Variants in MMP16 observed in about 807,000 individuals in gnomAD.
MMP16 encodes matrix metallopeptidase 16, also known as matrix metalloproteinase-16.
In MMP16, 12 loss-of-function variants were observed where a neutral mutation model predicts 67.8. The observed-to-expected ratio is 0.18, with a 90% confidence interval of 0.11 to 0.29. The LOEUF (loss-of-function observed/expected upper bound fraction) is 0.29, where lower values mean the gene tolerates loss of function less well. MMP16 is among the 10% of genes least tolerant of loss of function. MMP16 has a pLI of 1.00. For missense variants in MMP16, 475 were observed against 765.7 expected (o/e 0.62, Z 4.48); for synonymous variants, 249 against 255.9 (o/e 0.97, Z 0.26).
At chr8:88,156,572 T>C (rs1315054376) in intron 4 of MMP16, among the ~76,000 whole-genome samples, 2 of 152,120 alleles carry the variant, frequency 1.3e-5, no homozygotes, top group African/African-American at 4.8e-5. Flanking sequence ...AAAATTGTAG[T>C]ATGTTAGGTT....
intron 2 of MMP16, among the ~76,000 whole-genome samples, chr8:88,195,367 T>C (rs1193656003): frequency 6.6e-6 from 1 of 152,174 alleles, no homozygotes; most frequent in East Asian, 1.9e-4. Flanking sequence ...CTTCAAACAA[T>C]GTGAACTAAT....
chr8:88,094,049 CAG>C (rs1808984289), intron 6 of MMP16, among the ~76,000 whole-genome samples: 2 of 151,736 alleles, frequency 1.3e-5, no homozygotes. Context: ...TAGACCAAGG[CAG>C]AGTGTATTAC....
chr8:88,171,666 G>T lies in MMP16; in HGVS notation c.405-3693C>A, dbSNP rs558327622. Reference sequence around the variant, plus strand: ...ATAGATATTATTTCATTTTTAATAGGTTTTGCTATGTAAAGTTAAAAGGAC... The same window carrying T: ...ATAGATATTATTTCATTTTTAATAGTTTTTGCTATGTAAAGTTAAAAGGAC... On this transcript the variant is annotated intron_variant, in intron 3 of 9. Coordinates refer to ENST00000286614, the MANE Select transcript of MMP16 (RefSeq NM_005941.5). Among the ~76,000 whole-genome samples, 18 of 152,170 alleles carry T rather than the reference G, an allele frequency of 1.2e-4. No homozygotes were observed. In the South Asian group the frequency reaches 3.5e-3, roughly 30 times the overall value.
At chr8:88,073,290 A>C (rs1207490398) in intron 7 of MMP16, among the ~76,000 whole-genome samples, 2 of 152,208 alleles carry the variant, frequency 1.3e-5, no homozygotes, top group Non-Finnish European at 2.9e-5. Context: ...TATTATAGAC[A>C]GCAGGAGGGC....
intron 7 of MMP16, chr8:88,069,667 T>C: frequency 2.9e-6 from 1 of 350,276 alleles, no homozygotes; most frequent in Non-Finnish European, 5.4e-6. Flanking sequence ...ACTAATTTCA[T>C]GTAAGGTGTC....
At chr8:88,074,021 C>A (rs1236957134) in intron 7 of MMP16, among the ~76,000 whole-genome samples, 2 of 152,132 alleles carry the variant, frequency 1.3e-5, no homozygotes, top group African/African-American at 4.8e-5. Flanking sequence ...TAGGCAGTTG[C>A]CTAAGTTCAC....
intron 6 of MMP16, among the ~76,000 whole-genome samples, chr8:88,105,979 T>C (rs1273025613): frequency 1.3e-5 from 2 of 150,406 alleles, no homozygotes; most frequent in Non-Finnish European, 1.5e-5. Flanking sequence ...TATTTATAAA[T>C]CTATTTGTAT....
intron 1 of MMP16, among the ~76,000 whole-genome samples, chr8:88,212,559 T>A (rs751647346): frequency 2.6e-5 from 4 of 152,154 alleles, no homozygotes; most frequent in Non-Finnish European, 5.9e-5. Flanking sequence ...CAAAAATATC[T>A]ATGATAGCTA....
intron 1 of MMP16, among the ~76,000 whole-genome samples, chr8:88,224,325 T>C (rs1809733402): frequency 6.6e-6 from 1 of 152,022 alleles, no homozygotes; most frequent in South Asian, 2.1e-4. Flanking sequence ...ACATAACTGA[T>C]TAAGATATAC....
chr8:88,171,052 TATA>T (rs2129711568), intron 3 of MMP16, among the ~76,000 whole-genome samples: 1 of 152,266 alleles, frequency 6.6e-6, no homozygotes, highest in Non-Finnish European at 1.5e-5. Flanking sequence ...AGAATAATCT[TATA>T]ATAGAGAAAT....
intron 4 of MMP16, among the ~76,000 whole-genome samples, chr8:88,147,241 G>A (rs1808308599): frequency 6.6e-6 from 1 of 151,490 alleles, no homozygotes; most frequent in East Asian, 1.9e-4. Context: ...CTCTACTATC[G>A]GTTATCCTTG....
chr8:88,196,549 T>C (rs1351552096), intron 2 of MMP16, among the ~76,000 whole-genome samples: 1 of 152,238 alleles, frequency 6.6e-6, no homozygotes, highest in East Asian at 1.9e-4. Context: ...GAACCAATCA[T>C]TAAAAAGCAA....
intron 1 of MMP16, among the ~76,000 whole-genome samples, chr8:88,266,100 C>T (rs1810472922): frequency 6.6e-6 from 1 of 152,204 alleles, no homozygotes; most frequent in Admixed American, 6.5e-5. Context: ...ATCATATGGC[C>T]TTTAGCATCC....
rs151111569 is a variant in MMP16, at chr8:88,098,775, T to C, written c.1083+17732A>G. ...CAAAGAAAATACAAGTATAATATTA[T>C]GAAAATTAATTTTGTAAGTATGTAA... On this transcript the variant is annotated intron_variant, in intron 6 of 9. Transcript: ENST00000286614. Among the ~76,000 whole-genome samples, 121 of 152,014 alleles carry C rather than the reference T, an allele frequency of 8.0e-4. 4 individuals carry two copies. In the East Asian group the frequency reaches 0.017, roughly 22 times the overall value.
At chr8:88,169,337 G>A (rs1233403743) in intron 3 of MMP16, among the ~76,000 whole-genome samples, 1 of 152,096 alleles carries the variant, frequency 6.6e-6, no homozygotes, top group African/African-American at 2.4e-5. Flanking sequence ...TATTAATTGA[G>A]CATTTACTAT....
intron 7 of MMP16, among the ~76,000 whole-genome samples, chr8:88,062,385 T>C (rs943703683): frequency 2.0e-5 from 3 of 152,082 alleles, no homozygotes; most frequent in African/African-American, 7.2e-5. Flanking sequence ...CTATTCACAA[T>C]AGCAAAGACT....
At chr8:88,124,172 C>T (rs1325730651) in intron 4 of MMP16, among the ~76,000 whole-genome samples, 1 of 151,736 alleles carries the variant, frequency 6.6e-6, no homozygotes, top group African/African-American at 2.4e-5. Context: ...ATGCTCAGAC[C>T]TTTGAAGTCT....
intron 2 of MMP16, among the ~76,000 whole-genome samples, chr8:88,195,483 T>TC (rs1176148976): frequency 6.6e-6 from 1 of 152,158 alleles, no homozygotes; most frequent in Admixed American, 6.6e-5. Flanking sequence ...AAGAACGCTG[T>TC]CCACAGCACT....
chr8:88,274,798 G>C (rs904443826), intron 1 of MMP16, among the ~76,000 whole-genome samples: 22 of 151,864 alleles, frequency 1.4e-4, no homozygotes, highest in African/African-American at 5.3e-4. Flanking sequence ...TCAAAAAAGA[G>C]ATAATTACAT....
Sources: gnomAD v4.1 joint callset for allele counts (sites outside exome capture counted in the v4.1 genomes callset) on GRCh38, gnomAD v4.1.1 for gene constraint, MANE v1.5 for transcripts, NCBI Gene and HGNC (gene_info 2026-07-23, HGNC 2026-07-21) for gene names.